Variants in MPO observed in about 807,000 individuals in gnomAD.
MPO encodes myeloperoxidase.
MPO carries 57 observed loss-of-function variants against 69.4 expected under a neutral mutation model. The ratio of observed to expected loss-of-function variants is 0.82; its 90% CI spans 0.66 to 1.02. The LOEUF (loss-of-function observed/expected upper bound fraction) is 1.02, where lower values mean the gene tolerates loss of function less well. Ranked by LOEUF, MPO falls within the 50% of genes least tolerant of loss-of-function variation. The pLI is 0.00. For missense variants in MPO, 971 were observed against 1,014.1 expected (o/e 0.96, Z 0.58); for synonymous variants, 426 against 417.1 (o/e 1.02, Z -0.26).
intron 7 of MPO, 37 bp downstream of exon 7, chr17:58,277,790 C>G (rs754957534): frequency 1.3e-6 from 2 of 1,598,426 alleles, no homozygotes; most frequent in Non-Finnish European, 1.7e-6. Context: ...CAGGGAACAT[C>G]TCCTATGCCA....
chr17:58,279,527 T>C lies in MPO; in HGVS notation c.544A>G (p.Asn182Asp). The C allele has an allele frequency of 6.2e-7, 1 of 1,614,054 alleles. No homozygotes were observed. ...KYRTITGMCNNRRSPTLGASN... is the reference protein window; with the variant it reads ...KYRTITGMCNDRRSPTLGASN... ...GCCACCCCCAGCCAGCCGCACCTGT[T>C]GTTGCACATCCCGGTGATGGTGCGG... The change falls in exon 4 of 12, where the codon AAC becomes GAC. Residue 182 changes from asparagine to aspartate, a missense_variant. Transcript: ENST00000225275.
At chr17:58,271,967 G>C (rs889791897) in intron 10 of MPO, 75 bp from the exon 11 acceptor site, 1 of 1,495,086 alleles carries the variant, frequency 6.7e-7, no homozygotes, top group Middle Eastern at 1.7e-4. Context: ...GGAGACAGCA[G>C]GGAAGATTCA....
chr17:58,273,713 A>C, intron 8 of MPO, 44 bp from the exon 9 acceptor site: 1 of 1,613,900 alleles, frequency 6.2e-7, no homozygotes, highest in Non-Finnish European at 8.5e-7. Context: ...CCACTCCTCC[A>C]CAGCAAATGC....
chr17:58,277,957 G>A lies in MPO; in HGVS notation c.1074C>T (p.Asn358=). The change falls in exon 7 of 12, where the codon AAC becomes AAT. Residue 358 remains asparagine (N), a synonymous_variant. Transcript: ENST00000225275. The part of the protein sequence containing the change: ...PLARNLRNMS[N]QLGLLAVNQR... ...GGTTGACGGCCAGCAGCCCCAGCTG[G>A]TTGGACATGTTGCGCAGGTTCCTGG... 3 of 1,613,562 alleles carry A rather than the reference G, an allele frequency of 1.9e-6. No individual in the cohort carries two copies. The highest frequency in any genetic ancestry group is 2.5e-6 in the Non-Finnish European group (3 of 1,180,034).
rs557877715 is a variant in MPO at position 58,276,784 on chromosome 17, C to A, written c.1204+1043G>T. On this transcript the variant is annotated intron_variant, in intron 7 of 11. Transcript: ENST00000225275. Reference sequence around the variant, plus strand: ...GCAGAGGGAGGCCAGAGGAAAGGGCCTGAGGTCCACTATTGGGTTTACATT... The same window carrying A: ...GCAGAGGGAGGCCAGAGGAAAGGGCATGAGGTCCACTATTGGGTTTACATT... 3.6e-4 allele frequency among the ~76,000 whole-genome samples: 55 copies of A among 152,240 alleles called. 2 individuals carry two copies. The South Asian group carries it at 0.011, about 32-fold the overall frequency.
rs1183033328 is a variant in MPO, at chr17:58,271,015, G to T, written c.2031-152C>A. On this transcript the variant is annotated intron_variant, in intron 11 of 11. Coordinates refer to ENST00000225275, the MANE Select transcript of MPO (RefSeq NM_000250.2). ...CCCCAGGCCCTTGGGCAGCCCAGGGGCTTTCACACAAGTGATGCTCCACTC... is the reference window on the plus strand; with the variant it reads ...CCCCAGGCCCTTGGGCAGCCCAGGGTCTTTCACACAAGTGATGCTCCACTC... 5.2e-6 allele frequency: 4 copies of T among 765,724 alleles called. No homozygotes were observed. In the East Asian group the frequency reaches 1.1e-4, roughly 20 times the overall value. 47.4% of individuals were successfully genotyped at this position (765,724 alleles called of 1,614,324 possible).
chr17:58,271,756 C>T lies in MPO; in HGVS notation c.1929G>A (p.Trp643Ter), dbSNP rs548973658. Residue 643 changes from tryptophan (W) to a stop codon, truncating the protein, a stop_gained, in exon 11 of 12, where the codon TGG (tryptophan) becomes TGA (stop). Transcript: ENST00000225275. LOFTEE classifies it high-confidence loss of function. Reference protein sequence around the residue: ...QYGTPNNIDIWMGGVSEPLKR... With the variant: ...QYGTPNNIDI ...TCAGAGGCTCGGACACGCCGCCCAT[C>T]CAGATGTCGATGTTGTTGGGCGTGC... 3 of 1,614,028 alleles carry T rather than the reference C, an allele frequency of 1.9e-6. No homozygotes were observed. The East Asian group carries it at 6.7e-5, about 36-fold the overall frequency.
At chr17:58,280,262 C>A in intron 2 of MPO, 104 bp downstream of exon 2, 1 of 1,192,824 alleles carries the variant, frequency 8.4e-7, no homozygotes, top group Non-Finnish European at 1.2e-6. Flanking sequence ...CCACATGGGT[C>A]CCCATAGTCC....
intron 8 of MPO, among the ~76,000 whole-genome samples, 175 bp from the exon 9 acceptor site, chr17:58,273,844 A>G (rs532650217): frequency 1.3e-4 from 20 of 152,318 alleles, no homozygotes; most frequent in African/African-American, 4.6e-4. Context: ...ACAGAGTGGC[A>G]CTGAGAGGCA....
rs1227871319 is a variant in MPO, at chr17:58,280,813, G to A, written c.-55C>T. 11 of 1,605,052 alleles carry A rather than the reference G, an allele frequency of 6.9e-6. No homozygotes were observed. Among genetic ancestry groups the A allele is most frequent in the Non-Finnish European group, 9.4e-6 (11 of 1,174,700 alleles). ...TTTGTACCTCAGCCCCACCTCAGAG[G>A]GCCCTGTCTATGGATAAAGCCAGAC... On this transcript the variant is annotated 5_prime_UTR_variant, in exon 1 of 12. Coordinates refer to ENST00000225275, the MANE Select transcript of MPO (RefSeq NM_000250.2).
chr17:58,272,171 T>G (rs1970373928), intron 10 of MPO, among the ~76,000 whole-genome samples: 1 of 152,242 alleles, frequency 6.6e-6, no homozygotes, highest in Non-Finnish European at 1.5e-5. Flanking sequence ...CAGTTCCTGC[T>G]GGGTCCAAGA....
chr17:58,280,493 G>A (rs750833981), intron 1 of MPO, 34 bp from the exon 2 acceptor site: 1 of 1,613,542 alleles, frequency 6.2e-7, no homozygotes, highest in Admixed American at 1.7e-5. Context: ...GTCAGGAATG[G>A]GCCCCAACCC....
chr17:58,279,997 C>T lies in MPO; in HGVS notation c.266G>A (p.Arg89His), dbSNP rs1292630866. ...TTCCATGGGGCTGGCTGAGCCGCTG[C>T]GAAGCCGCTGCTTGATGCTGCTTGG... ...ERRESIKQRLRSGSASPMELL... is the reference protein window; with the variant it reads ...ERRESIKQRLHSGSASPMELL... The change falls in exon 3 of 12, where the codon CGC becomes CAC. Residue 89 changes from arginine (R) to histidine (H), a missense_variant. By Grantham distance (29) the Arg-to-His change is conservative. Coordinates refer to ENST00000225275, the MANE Select transcript of MPO (RefSeq NM_000250.2). 3 of 1,613,114 alleles carry T rather than the reference C, an allele frequency of 1.9e-6. No individual in the cohort carries two copies. The highest frequency in any genetic ancestry group is 3.3e-5 in the Admixed American group (2 of 59,994).
Position 58,271,994 on chromosome 17 carries a change from C to G in MPO, c.1793-102G>C, listed in dbSNP as rs904104932. ...GAAGATTCACATATCGCCAGCAGCCCAGAAAACCCACCTTCCCAACACAAC... is the reference window on the plus strand; with the variant it reads ...GAAGATTCACATATCGCCAGCAGCCGAGAAAACCCACCTTCCCAACACAAC... On this transcript the variant is annotated intron_variant, in intron 10 of 11. Transcript: ENST00000225275. The G allele has an allele frequency of 7.9e-6, 10 of 1,264,216 alleles. No homozygotes were observed. The African/African-American group carries it at 1.3e-4, about 17-fold the overall frequency. 78.3% of individuals were successfully genotyped at this position (1,264,216 alleles called of 1,614,324 possible). A position where few individuals can be genotyped will look rare whatever the true frequency, so the allele number is the denominator to read the frequency against.
Position 58,277,872 on chromosome 17 carries a change from A to AG in MPO, c.1158dup (p.Cys387LeufsTer22). ...CGCGCTGAGCGGTTGGTGAGGAGACAGGGGTCATCGTGCAGGTTGTCAAAG... is the reference window on the plus strand; with the variant it reads ...CGCGCTGAGCGGTTGGTGAGGAGACAGGGGGTCATCGTGCAGGTTGTCAAAG... On this transcript the variant is annotated frameshift_variant, in exon 7 of 12. Transcript: ENST00000225275. LOFTEE classifies it high-confidence loss of function. 6.2e-7 allele frequency: 1 copy of AG among 1,608,764 alleles called. No homozygotes were observed. The highest frequency in any genetic ancestry group is 8.5e-7 in the Non-Finnish European group (1 of 1,180,008).
chr17:58,272,513 C>T (rs571273362), intron 10 of MPO, among the ~76,000 whole-genome samples: 4 of 152,304 alleles, frequency 2.6e-5, no homozygotes, highest in African/African-American at 4.8e-5. Flanking sequence ...ATTATGATGA[C>T]GATGCCCCTA....
Position 58,275,553 on chromosome 17 carries a change from C to T in MPO, c.1354G>A (p.Ala452Thr). The change falls in exon 8 of 12, where the codon GCC (alanine) becomes ACC (threonine). Residue 452 changes from alanine (A) to threonine (T), a missense_variant. Transcript: ENST00000225275. This position sits in a 1 kb window ranked among gnomAD's most constrained non-coding sequence, Gnocchi z 4.1. The stretch of plus-strand genomic sequence containing the variant: ...TCAAGACGGCCTACCTGGACCATGG[C>T]CCCCACGATCTTCCGGGCTTCCTGG... ...LYQEARKIVG[A>T]MVQIITYRDY... The T allele has an allele frequency of 2.5e-6, 4 of 1,614,138 alleles. No homozygotes were observed. The highest frequency in any genetic ancestry group is 3.4e-6 in the Non-Finnish European group (4 of 1,180,020).
rs765631405 is a variant in MPO, at chr17:58,279,153, T to C, written c.740A>G (p.Glu247Gly). ...CCATTGCATGAACATGAGTGAGCGCTCCTGGTCCGGAGTCAGCTGATCAGT... is the reference window on the plus strand; with the variant it reads ...CCATTGCATGAACATGAGTGAGCGCCCCTGGTCCGGAGTCAGCTGATCAGT... ...FPTDQLTPDQERSLMFMQWGQ... is the reference protein window; with the variant it reads ...FPTDQLTPDQGRSLMFMQWGQ... The change falls in exon 6 of 12, where the codon GAG becomes GGG. Residue 247 changes from glutamate to glycine, a missense_variant. Transcript: ENST00000225275. 6.2e-7 allele frequency: 1 copy of C among 1,612,520 alleles called. No homozygotes were observed. Among genetic ancestry groups the C allele is most frequent in the East Asian group, 2.2e-5 (1 of 44,818 alleles).
chr17:58,270,977 A>G lies in MPO; in HGVS notation c.2031-114T>C, dbSNP rs572513497. ...CAAAGCCACAACAAATGCCACCTGG[A>G]AGCACAGGAGGGCCCCAGGCCCTTG... On this transcript the variant is annotated intron_variant, in intron 11 of 11. Coordinates refer to ENST00000225275, the MANE Select transcript of MPO (RefSeq NM_000250.2). This position sits in a 1 kb window ranked among gnomAD's most constrained non-coding sequence, Gnocchi z 4.1. The G allele has an allele frequency of 3.3e-6, 4 of 1,200,246 alleles. No homozygotes were observed. Among genetic ancestry groups the G allele is most frequent in the African/African-American group, 3.0e-5 (2 of 66,780 alleles). 74.3% of individuals were successfully genotyped at this position (1,200,246 alleles called of 1,614,324 possible).
Sources: gnomAD v4.1 joint callset for allele counts (sites outside exome capture counted in the v4.1 genomes callset) on GRCh38, gnomAD v4.1.1 for gene constraint, Gnocchi (gnomAD v3.1) non-coding constraint, MANE v1.5 for transcripts, NCBI Gene and HGNC (gene_info 2026-07-23, HGNC 2026-07-21) for gene names.